The following NUP93 variants were observed in gnomAD, a reference collection of about 807,000 sequenced individuals.
The protein encoded by NUP93 is nuclear pore complex protein Nup93.
NUP93 carries 55 observed loss-of-function variants against 107.8 expected under a neutral mutation model. The observed-to-expected ratio is 0.51, with a 90% CI of 0.41 to 0.64. The LOEUF (loss-of-function observed/expected upper bound fraction) is 0.64, where lower values mean the gene tolerates loss of function less well. NUP93 is among the 30% of genes least tolerant of loss of function. The probability of loss-of-function intolerance (pLI) is 0.00; values close to 1 mark genes in which losing one functional copy is unlikely to be tolerated. For missense variants in NUP93, 937 were observed against 1,044.7 expected (o/e 0.90, Z 1.42); for synonymous variants, 390 against 397.5 (o/e 0.98, Z 0.22).
intron 1 of NUP93, among the ~76,000 whole-genome samples, chr16:56,745,433 A>G (rs1432490860): frequency 6.6e-6 from 1 of 152,086 alleles, no homozygotes; most frequent in African/African-American, 2.4e-5. Flanking sequence ...TGACTGTAAA[A>G]GGATCACTGG....
intron 5 of NUP93, among the ~76,000 whole-genome samples, chr16:56,807,702 C>G (rs1171006592): frequency 6.6e-6 from 1 of 151,972 alleles, no homozygotes; most frequent in Admixed American, 6.6e-5. Context: ...AATTTTTTTC[C>G]CTCTTTTTAA....
chr16:56,834,183 C>A lies in NUP93; in HGVS notation c.1593C>A (p.Leu531=), dbSNP rs765877310. 4 of 1,614,174 alleles carry A rather than the reference C, an allele frequency of 2.5e-6. No homozygotes were observed. The highest frequency in any genetic ancestry group is 3.4e-6 in the Non-Finnish European group (4 of 1,180,044). Residue 531 remains leucine, a synonymous_variant, in exon 14 of 22, where the codon CTC becomes CTA. Transcript: ENST00000308159. ...PCLRRLNFVR[L]LMLYTRKFES... is the part of the protein sequence containing the mutation. ...TGCGGCGGCTGAACTTCGTGCGGCT[C>A]CTCATGCTGTACACCCGGAAGTTTG...
chr16:56,829,260 G>A, intron 9 of NUP93, 151 bp downstream of exon 9: 1 of 932,396 alleles, frequency 1.1e-6, no homozygotes, highest in Non-Finnish European at 1.6e-6. Flanking sequence ...GACCTCTTAG[G>A]AGGCTGATAG....
rs867835119 is a variant in NUP93 at position 56,809,748 on chromosome 16, G to T, written c.489+4116G>T. Among the ~76,000 whole-genome samples, 4 of 152,122 alleles carry T rather than the reference G, an allele frequency of 2.6e-5. No homozygotes were observed. In the Middle Eastern group the frequency reaches 0.01, roughly 388 times the overall value. On this transcript the variant is annotated intron_variant, in intron 5 of 21. Transcript: ENST00000308159. The stretch of plus-strand genomic sequence containing the variant: ...TCCTGATTTAAACACCAGGGTTTTT[G>T]GTTTTGTTTTATTAAACTAGCCCCC...
rs370111038 is a variant in NUP93 at position 56,823,804 on chromosome 16, G to T, written c.752G>T (p.Arg251Leu). The stretch of plus-strand genomic sequence containing the variant: ...AAGAACCGCAGCAGCGTGGAAGTGC[G>T]CATGGAGTTTGTCAGGCAGGCCTTG... ...ALKNRSSVEV[R>L]MEFVRQALAY... The change falls in exon 8 of 22, where the codon CGC (arginine) becomes CTC (leucine). Residue 251 changes from arginine to leucine, a missense_variant. Coordinates refer to ENST00000308159, the MANE Select transcript of NUP93 (RefSeq NM_014669.5). The T allele has an allele frequency of 5.0e-6, 8 of 1,614,158 alleles. No homozygotes were observed. The highest frequency in any genetic ancestry group is 4.5e-5 in the East Asian group (2 of 44,888).
At chr16:56,814,128 T>A (rs1963370856) in intron 5 of NUP93, among the ~76,000 whole-genome samples, 1 of 152,214 alleles carries the variant, frequency 6.6e-6, no homozygotes, top group Admixed American at 6.5e-5. Flanking sequence ...ATCATCATAT[T>A]TTCTTACTAC....
At chr16:56,791,761 T>C (rs1451461087) in intron 3 of NUP93, among the ~76,000 whole-genome samples, 1 of 152,194 alleles carries the variant, frequency 6.6e-6, no homozygotes, top group Non-Finnish European at 1.5e-5. Context: ...CCAGGATACA[T>C]TGCAAAGCAG....
At chr16:56,823,231 C>T (rs913121034) in intron 7 of NUP93, among the ~76,000 whole-genome samples, 7 of 152,104 alleles carry the variant, frequency 4.6e-5, no homozygotes, top group African/African-American at 1.4e-4. Flanking sequence ...GCCCCTGGAG[C>T]GTCTCTGGGA....
intron 20 of NUP93, among the ~76,000 whole-genome samples, chr16:56,841,053 A>G (rs1964015705): frequency 1.3e-5 from 2 of 152,012 alleles, no homozygotes; most frequent in South Asian, 2.1e-4. Flanking sequence ...AGTTCTGCAC[A>G]TGAAGAGGGA....
intron 2 of NUP93, among the ~76,000 whole-genome samples, chr16:56,753,604 C>G (rs947663414): frequency 3.9e-5 from 6 of 152,172 alleles, no homozygotes; most frequent in African/African-American, 1.4e-4. Flanking sequence ...CCAGGTGATT[C>G]ATATGCACTT....
chr16:56,757,504 A>T (rs1596775172), intron 2 of NUP93, among the ~76,000 whole-genome samples: 1 of 151,918 alleles, frequency 6.6e-6, no homozygotes, highest in Non-Finnish European at 1.5e-5. Flanking sequence ...ACCCGACCCC[A>T]CCCCACCACT....
rs112927830 is a variant in NUP93 at position 56,803,453 on chromosome 16, A to AAAT, written c.361-2033_361-2031dup. On this transcript the variant is annotated intron_variant, in intron 4 of 21. Transcript: ENST00000308159. ...GCACTCCAGCCTGGGCAACAGAAAA[A>AAAT]AATAATAATAATAATAATAAAACAC... Among the ~76,000 whole-genome samples, 1,285 of 151,950 alleles carry AAAT rather than the reference A, an allele frequency of 8.5e-3. 18 individuals are homozygous for AAAT. The highest frequency in any genetic ancestry group is 0.029 in the African/African-American group (1,202 of 41,434).
At chr16:56,842,555 CT>C (rs5817078) in intron 21 of NUP93, 199,201 of 404,758 alleles carry the variant, frequency 0.49, 24,282 homozygotes, top group African/African-American at 0.64. Context: ...ATGGTGTTTG[CT>C]TTTTTTTTTT....
chr16:56,814,475 C>T (rs1963379303), intron 5 of NUP93, among the ~76,000 whole-genome samples: 1 of 152,336 alleles, frequency 6.6e-6, no homozygotes, highest in African/African-American at 2.4e-5. Context: ...TAGGCATGAG[C>T]CACCACGCCC....
At chr16:56,818,173 T>G (rs1334019488) in intron 5 of NUP93, among the ~76,000 whole-genome samples, 1 of 152,216 alleles carries the variant, frequency 6.6e-6, no homozygotes, top group Non-Finnish European at 1.5e-5. Flanking sequence ...AACAGAAAAG[T>G]AATCAGCAGC....
chr16:56,815,354 A>G (rs960439723), intron 5 of NUP93, among the ~76,000 whole-genome samples: 5 of 152,162 alleles, frequency 3.3e-5, no homozygotes, highest in African/African-American at 1.2e-4. Flanking sequence ...GCTGTCTTAG[A>G]GAACAGTCCT....
At chr16:56,794,745 G>A (rs1373651427) in intron 3 of NUP93, among the ~76,000 whole-genome samples, 2 of 151,650 alleles carry the variant, frequency 1.3e-5, no homozygotes, top group South Asian at 2.1e-4. Flanking sequence ...TGGCTAACAC[G>A]GTGAAACCCT....
chr16:56,795,205 C>T (rs1316514390), intron 3 of NUP93, among the ~76,000 whole-genome samples: 1 of 152,106 alleles, frequency 6.6e-6, no homozygotes, highest in Non-Finnish European at 1.5e-5. Context: ...AGAATCCATG[C>T]CTACTCATTG....
intron 20 of NUP93, 62 bp from the exon 21 acceptor site, chr16:56,841,643 C>A: frequency 6.3e-7 from 1 of 1,591,960 alleles, no homozygotes; most frequent in Non-Finnish European, 8.6e-7. Context: ...ACCCTCCCTC[C>A]ATCTGTGGTT....
Sources: gnomAD v4.1 joint callset for allele counts (sites outside exome capture counted in the v4.1 genomes callset) on GRCh38, gnomAD v4.1.1 for gene constraint, MANE v1.5 for transcripts, NCBI Gene and HGNC (gene_info 2026-07-23, HGNC 2026-07-21) for gene names.